SUPT3H: variants seen among roughly 807,000 people sequenced by gnomAD.
SUPT3H encodes the protein transcription initiation protein SPT3 homolog.
In SUPT3H, 44 loss-of-function variants were observed where a neutral mutation model predicts 44.3. The ratio of observed to expected loss-of-function variants is 0.99; its 90% CI spans 0.78 to 1.28. The LOEUF (loss-of-function observed/expected upper bound fraction) is 1.28. SUPT3H is among the 50% of genes most tolerant of loss of function. The pLI, the probability that SUPT3H is intolerant of heterozygous loss-of-function variation, is 0.00. For missense variants in SUPT3H, 380 were observed against 387.1 expected, an observed-to-expected ratio of 0.98 and a Z score of 0.15; for synonymous variants, 124 against 125.6, an observed-to-expected ratio of 0.99 and a Z score of 0.09.
At chr6:45,302,036 C>T (rs1452874310) in intron 2 of SUPT3H, among the ~76,000 whole-genome samples, 1 of 152,100 alleles carries the variant, frequency 6.6e-6, no homozygotes, top group Non-Finnish European at 1.5e-5. Context: ...CAATGAGGCC[C>T]AGTTTACCTG....
intron 3 of SUPT3H, chr6:45,098,913 G>A (rs1798160635): frequency 9.5e-6 from 5 of 528,704 alleles, no homozygotes; most frequent in Admixed American, 5.9e-5. Context: ...ACATAAAATG[G>A]GGAAGATCCC....
At chr6:44,847,581 G>A (rs929197624) in intron 10 of SUPT3H, among the ~76,000 whole-genome samples, 4 of 151,368 alleles carry the variant, frequency 2.6e-5, no homozygotes, top group Non-Finnish European at 5.9e-5. Context: ...TCCGCCTCCC[G>A]GGTTCAAGTG....
At position 45,039,141 on chromosome 6, in the gene SUPT3H, T is replaced by C. The variant is rs565611846; in HGVS notation, c.187-18509A>G. Among the ~76,000 whole-genome samples, 383 of 152,328 alleles carry C rather than the reference T, an allele frequency of 2.5e-3. 2 individuals carry two copies. The highest frequency in any genetic ancestry group is 7.3e-3 in the African/African-American group (303 of 41,584). On this transcript the variant is annotated intron_variant, in intron 3 of 10. Transcript: ENST00000371459. ...AAATAAACAAATCTGCTGAACATAA[T>C]TTCCTCTTTATTGCTTTTGAAAAGT...
intron 2 of SUPT3H, chr6:45,251,210 A>G (rs558813376): frequency 6.6e-6 from 1 of 152,360 alleles, no homozygotes; most frequent in South Asian, 2.1e-4. Context: ...ATTGTCAAAT[A>G]ATATGAAGTT....
intron 10 of SUPT3H, among the ~76,000 whole-genome samples, chr6:44,894,544 T>TC (rs1442360584): frequency 6.6e-6 from 1 of 152,104 alleles, no homozygotes; most frequent in African/African-American, 2.4e-5. Context: ...ATATGCGGTG[T>TC]TATTTCTGAG....
intron 2 of SUPT3H, among the ~76,000 whole-genome samples, chr6:45,235,598 T>C (rs993293485): frequency 6.6e-6 from 1 of 152,172 alleles, no homozygotes; most frequent in East Asian, 1.9e-4. Context: ...GCATTTATTT[T>C]TAAGTAAATC....
chr6:45,200,158 A>G (rs1762252682), intron 2 of SUPT3H, among the ~76,000 whole-genome samples: 1 of 151,630 alleles, frequency 6.6e-6, no homozygotes, highest in East Asian at 1.9e-4. Context: ...AAAATTAATT[A>G]GTAACAATAC....
At chr6:44,858,885 T>C (rs369361804) in intron 10 of SUPT3H, among the ~76,000 whole-genome samples, 1 of 151,884 alleles carries the variant, frequency 6.6e-6, no homozygotes, top group Admixed American at 6.6e-5. Flanking sequence ...TCAAAAGAGG[T>C]AAAATCAGTA....
At chr6:44,870,698 G>C (rs541023660) in intron 10 of SUPT3H, among the ~76,000 whole-genome samples, 55 of 151,520 alleles carry the variant, frequency 3.6e-4, no homozygotes, top group Non-Finnish European at 6.8e-4. Context: ...CATGAGCGAC[G>C]CAGAAGACGG....
intron 1 of SUPT3H, among the ~76,000 whole-genome samples, chr6:45,365,817 A>T (rs1389129713): frequency 6.6e-6 from 1 of 151,976 alleles, no homozygotes. Context: ...CTACAGCATA[A>T]TCTAAATCCT....
chr6:44,820,987 A>G (rs1453512844), intron 11 of SUPT3H, among the ~76,000 whole-genome samples: 2 of 152,164 alleles, frequency 1.3e-5, no homozygotes, highest in East Asian at 3.9e-4. Context: ...ATTAGCTGGG[A>G]CTACAGGAAT....
chr6:45,213,720 G>A (rs1280614381), intron 2 of SUPT3H, among the ~76,000 whole-genome samples: 4 of 151,778 alleles, frequency 2.6e-5, no homozygotes, highest in Admixed American at 6.6e-5. Context: ...TTAAATGTTC[G>A]TTATTTATTA....
intron 2 of SUPT3H, among the ~76,000 whole-genome samples, chr6:45,254,695 C>T (rs1025930195): frequency 6.6e-6 from 1 of 152,170 alleles, no homozygotes; most frequent in Admixed American, 6.5e-5. Context: ...CAGAGCGGAC[C>T]AAGGCCTTTC....
intron 3 of SUPT3H, among the ~76,000 whole-genome samples, chr6:45,090,905 T>C (rs745338177): frequency 1.3e-5 from 2 of 151,892 alleles, no homozygotes; most frequent in African/African-American, 2.4e-5. Context: ...CTAGTGATCT[T>C]CTTAATAAAA....
chr6:45,021,647 T>A (rs372403266), intron 3 of SUPT3H, among the ~76,000 whole-genome samples: 1 of 152,000 alleles, frequency 6.6e-6, no homozygotes, highest in African/African-American at 2.4e-5. Flanking sequence ...ACCTAACACA[T>A]TTTCTTGAGA....
chr6:44,884,989 A>G (rs1205338673), intron 10 of SUPT3H, among the ~76,000 whole-genome samples: 8 of 152,160 alleles, frequency 5.3e-5, no homozygotes, highest in Admixed American at 5.2e-4. Flanking sequence ...GGAGGGTCCT[A>G]CGCCCACGGA....
At chr6:45,356,346 G>A (rs190109746) in intron 2 of SUPT3H, among the ~76,000 whole-genome samples, 1 of 151,828 alleles carries the variant, frequency 6.6e-6, no homozygotes, top group East Asian at 1.9e-4. Flanking sequence ...ACACATATAT[G>A]TTAATATATG....
At chr6:45,028,605 G>A (rs932935915) in intron 3 of SUPT3H, among the ~76,000 whole-genome samples, 1 of 151,822 alleles carries the variant, frequency 6.6e-6, no homozygotes, top group African/African-American at 2.4e-5. Context: ...GCTGACACTC[G>A]TTTTTTATGC....
chr6:45,321,931 C>G, intron 2 of SUPT3H: 1 of 1,145,076 alleles, frequency 8.7e-7, no homozygotes, highest in Non-Finnish European at 1.2e-6. Context: ...ATGGTTAAAA[C>G]ATATTATAAA....
Sources: gnomAD v4.1 joint callset for allele counts (sites outside exome capture counted in the v4.1 genomes callset) on GRCh38, gnomAD v4.1.1 for gene constraint, MANE v1.5 for transcripts, NCBI Gene and HGNC (gene_info 2026-07-23, HGNC 2026-07-21) for gene names.